Variants in RP1L1 observed in about 807,000 individuals in gnomAD.
RP1L1 encodes the protein retinitis pigmentosa 1-like 1 protein.
RP1L1 carries 27 observed loss-of-function variants against 15.7 expected under a neutral mutation model. The ratio of observed to expected loss-of-function variants is 1.72; its 90% CI spans 1.27 to 2.38. RP1L1 has a LOEUF of 2.38. Ranked by LOEUF, RP1L1 falls within the 30% of genes most tolerant of loss-of-function variation. The probability of loss-of-function intolerance (pLI) is 0.00; values close to 1 mark genes in which losing one functional copy is unlikely to be tolerated. For missense variants in RP1L1, 4,798 were observed against 3,075.9 expected (o/e 1.56, Z -13.24); for synonymous variants, 1,813 against 1,276.7 (o/e 1.42, Z -8.96).
At chr8:10,650,222 G>A (rs1798538635) in intron 1 of RP1L1, among the ~76,000 whole-genome samples, 6 of 152,164 alleles carry the variant, frequency 3.9e-5, no homozygotes, top group Admixed American at 3.9e-4. Context: ...TGAAGCCAGT[G>A]AGTTAATCAA....
rs367747180 is a variant in RP1L1, at chr8:10,635,510, A to G, written c.-19-12290T>C. Among the ~76,000 whole-genome samples the G allele has an allele frequency of 4.8e-4, 73 of 152,326 alleles. 3 individuals carry two copies. In the South Asian group the frequency reaches 0.015, roughly 30 times the overall value. Reference sequence around the variant, plus strand: ...CCATTCCTCCACTCTACAAATCCCTATGGAATACCTACTGAGACTGGGCAT... The same window carrying G: ...CCATTCCTCCACTCTACAAATCCCTGTGGAATACCTACTGAGACTGGGCAT... On this transcript the variant is annotated intron_variant, in intron 1 of 3. Transcript: ENST00000382483.
At position 10,612,308 on chromosome 8, in the gene RP1L1, C is replaced by A. The variant is rs1171990099; in HGVS notation, c.1790G>T (p.Gly597Val). ...AGCCGCTCCCGTGGCCTGCTCGGTG[C>A]CCTGTCCTTGCGTCTCTGCCTGCAG... Reference protein sequence around the residue: ...DDLQAETQGQGTEQATGAAVT... With the variant: ...DDLQAETQGQVTEQATGAAVT... Residue 597 changes from glycine to valine, a missense_variant, in exon 4 of 4, where the codon GGC (glycine) becomes GTC (valine). By Grantham distance (109) the Gly-to-Val change is moderately radical (BLOSUM62 -3). Transcript: ENST00000382483. The A allele has an allele frequency of 6.2e-7, 1 of 1,613,048 alleles. No individual in the cohort carries two copies. The highest frequency in any genetic ancestry group is 8.5e-7 in the Non-Finnish European group (1 of 1,180,002).
At chr8:10,649,676 C>G (rs13254549) in intron 1 of RP1L1, among the ~76,000 whole-genome samples, 1 of 152,112 alleles carries the variant, frequency 6.6e-6, no homozygotes, top group Non-Finnish European at 1.5e-5. Context: ...AGCAGGAGTA[C>G]GAGACCAGCC....
rs989684765 is a variant in RP1L1, at chr8:10,622,616, A to C, written c.586T>G (p.Leu196Val). The C allele has an allele frequency of 3.1e-6, 5 of 1,614,068 alleles. No individual in the cohort carries two copies. Among genetic ancestry groups the C allele is most frequent in the African/African-American group, 1.3e-5 (1 of 74,924 alleles). The part of the protein sequence containing the change: ...SDLLRFPVKQ[L>V]YTTSGKKVDS... Reference sequence around the variant, plus strand: ...ACCTTTTTCCCGCTGGTCGTGTACAACTGCTTCACAGGAAAGCGCAGGAGA... The same window carrying C: ...ACCTTTTTCCCGCTGGTCGTGTACACCTGCTTCACAGGAAAGCGCAGGAGA... Residue 196 changes from leucine (L) to valine (V), a missense_variant, in exon 2 of 4, where the codon TTG becomes GTG. Physicochemically the swap from Leu to Val is conservative, Grantham distance 32. Coordinates refer to ENST00000382483, the MANE Select transcript of RP1L1 (RefSeq NM_178857.6).
At position 10,612,854 on chromosome 8, in the gene RP1L1, G is replaced by A. The variant is rs538675642; in HGVS notation, c.1244C>T (p.Ser415Phe). The A allele has an allele frequency of 1.9e-6, 3 of 1,612,798 alleles. No homozygotes were observed. Among genetic ancestry groups the A allele is most frequent in the Non-Finnish European group, 2.5e-6 (3 of 1,179,924 alleles). Residue 415 changes from serine (S) to phenylalanine (F), a missense_variant, in exon 4 of 4, where the codon TCC becomes TTC. Transcript: ENST00000382483. Reference protein sequence around the residue: ...YEIWTNPLHASQGERVAARKR... With the variant: ...YEIWTNPLHAFQGERVAARKR... The stretch of plus-strand genomic sequence containing the variant: ...CCGAGCTGCCACTCTCTCTCCCTGG[G>A]AGGCATGCAGGGGATTCGTCCAGAT...
chr8:10,635,916 G>A (rs748831384), intron 1 of RP1L1, among the ~76,000 whole-genome samples: 2 of 152,244 alleles, frequency 1.3e-5, no homozygotes, highest in Non-Finnish European at 2.9e-5. Flanking sequence ...TCAGTCTATA[G>A]CACCAACCCG....
At chr8:10,623,699 AC>A (rs1798112631) in intron 1 of RP1L1, among the ~76,000 whole-genome samples, 1 of 149,748 alleles carries the variant, frequency 6.7e-6, no homozygotes, top group Non-Finnish European at 1.5e-5. Context: ...TGTTCCCAGG[AC>A]CTCCATGTCT....
intron 1 of RP1L1, among the ~76,000 whole-genome samples, chr8:10,636,657 C>T (rs902882300): frequency 3.9e-5 from 6 of 152,210 alleles, no homozygotes; most frequent in Admixed American, 1.3e-4. Flanking sequence ...CCTTTTGTCT[C>T]GGGCATGATA....
Position 10,612,282 on chromosome 8 carries a change from C to T in RP1L1, c.1816G>A (p.Val606Met). The change falls in exon 4 of 4, where the codon GTG (valine) becomes ATG (methionine). Residue 606 changes from valine to methionine, a missense_variant. Coordinates refer to ENST00000382483, the MANE Select transcript of RP1L1 (RefSeq NM_178857.6). ...CCCAGAACCAGAGGCTCCCTTGTCA[C>T]AGCCGCTCCCGTGGCCTGCTCGGTG... ...QGTEQATGAA[V>M]TREPLVLGLS... is the part of the protein sequence containing the mutation. The T allele has an allele frequency of 6.2e-7, 1 of 1,613,260 alleles. No individual in the cohort carries two copies. Among genetic ancestry groups the T allele is most frequent in the Non-Finnish European group, 8.5e-7 (1 of 1,180,024 alleles).
At chr8:10,631,467 A>G (rs1798251998) in intron 1 of RP1L1, among the ~76,000 whole-genome samples, 1 of 152,222 alleles carries the variant, frequency 6.6e-6, no homozygotes, top group South Asian at 2.1e-4. Flanking sequence ...GGTAGGGAGC[A>G]CTTCTTCAAA....
intron 3 of RP1L1, among the ~76,000 whole-genome samples, chr8:10,615,838 G>C (rs1470112951): frequency 6.6e-6 from 1 of 152,142 alleles, no homozygotes; most frequent in East Asian, 1.9e-4. Context: ...CTCTGTGCCT[G>C]TGGCTCTTAA....
chr8:10,645,935 C>G (rs1322365777), intron 1 of RP1L1, among the ~76,000 whole-genome samples: 1 of 152,222 alleles, frequency 6.6e-6, no homozygotes, highest in Non-Finnish European at 1.5e-5. Context: ...TGTCTGGGCC[C>G]TACAGAGAAA....
At chr8:10,617,240 G>C (rs1240862116) in intron 2 of RP1L1, among the ~76,000 whole-genome samples, 2 of 151,958 alleles carry the variant, frequency 1.3e-5, no homozygotes, top group African/African-American at 2.4e-5. Context: ...CAGGAAACTG[G>C]TCCCTGGACC....
At chr8:10,623,706 T>A (rs1798112655) in intron 1 of RP1L1, among the ~76,000 whole-genome samples, 1 of 151,160 alleles carries the variant, frequency 6.6e-6, no homozygotes, top group Admixed American at 6.6e-5. Context: ...AGGACCTCCA[T>A]GTCTCCAGCA....
chr8:10,609,010 C>A lies in RP1L1; in HGVS notation c.5088G>T (p.Lys1696Asn). ...AFDLQQILQR[K>N]RGEHTDGEAA... ...CCTCCCCATCAGTGTGTTCTCCCCTCTTCCTCTGCAGAATCTGCTGCAGGT... is the reference window on the plus strand; with the variant it reads ...CCTCCCCATCAGTGTGTTCTCCCCTATTCCTCTGCAGAATCTGCTGCAGGT... The change falls in exon 4 of 4, where the codon AAG becomes AAT. Residue 1696 changes from lysine to asparagine, a missense_variant. Coordinates refer to ENST00000382483, the MANE Select transcript of RP1L1 (RefSeq NM_178857.6). 6.2e-7 allele frequency: 1 copy of A among 1,613,484 alleles called. No homozygotes were observed. The highest frequency in any genetic ancestry group is 8.5e-7 in the Non-Finnish European group (1 of 1,179,456).
intron 1 of RP1L1, among the ~76,000 whole-genome samples, chr8:10,636,187 C>G (rs1726952591): frequency 6.6e-6 from 1 of 152,228 alleles, no homozygotes; most frequent in Admixed American, 6.5e-5. Context: ...TGCCATCGCT[C>G]AGACTTTCTG....
At chr8:10,650,874 T>C (rs1470476014) in intron 1 of RP1L1, among the ~76,000 whole-genome samples, 2 of 152,228 alleles carry the variant, frequency 1.3e-5, no homozygotes, top group Non-Finnish European at 2.9e-5. Context: ...GCTGACTCTG[T>C]AGTTCTTTAC....
chr8:10,638,087 G>A (rs1029821849), intron 1 of RP1L1, among the ~76,000 whole-genome samples: 1 of 152,250 alleles, frequency 6.6e-6, no homozygotes, highest in African/African-American at 2.4e-5. Flanking sequence ...GTTCATGGTG[G>A]GAACAACTGG....
chr8:10,612,407 G>A lies in RP1L1; in HGVS notation c.1691C>T (p.Ser564Phe). Residue 564 changes from serine to phenylalanine, a missense_variant, in exon 4 of 4, where the codon TCT becomes TTT. Coordinates refer to ENST00000382483, the MANE Select transcript of RP1L1 (RefSeq NM_178857.6). ...GCCTCCCTCGCTGGCCTCCTGCTGA[G>A]AGGTCTCGGCCCTTGCCTTGCCTGG... is the stretch of plus-strand genomic sequence containing the variant. ...GCPGKARAET[S>F]QQEASEGGDP... The A allele has an allele frequency of 1.2e-6, 2 of 1,612,768 alleles. No homozygotes were observed. Among genetic ancestry groups the A allele is most frequent in the Non-Finnish European group, 1.7e-6 (2 of 1,180,026 alleles).
Sources: allele counts gnomAD v4.1 joint callset (sites outside exome capture counted in the v4.1 genomes callset), GRCh38; gene constraint gnomAD v4.1.1; transcripts MANE v1.5; gene names NCBI Gene and HGNC (gene_info 2026-07-23, HGNC 2026-07-21).